ROBO1: variants seen among roughly 807,000 people sequenced by gnomAD.
ROBO1 encodes the protein roundabout guidance receptor 1, also known as roundabout homolog 1.
ROBO1 carries 149 observed loss-of-function variants against 195.9 expected under a neutral mutation model. The ratio of observed to expected loss-of-function variants is 0.76; its 90% CI spans 0.67 to 0.87. The LOEUF is 0.87. ROBO1 is among the 40% of genes least tolerant of loss of function. ROBO1 has a pLI of 0.00. For missense variants in ROBO1, 1,933 were observed against 2,068.3 expected (o/e 0.93, Z 1.27); for synonymous variants, 816 against 733.2 (o/e 1.11, Z -1.82).
rs536105961 is a variant in ROBO1 at position 79,415,453 on chromosome 3, T to G, written c.88+174371A>C. 8.5e-5 allele frequency among the ~76,000 whole-genome samples: 13 copies of G among 152,100 alleles called. No homozygotes were observed. The South Asian group carries it at 2.3e-3, about 27-fold the overall frequency. On this transcript the variant is annotated intron_variant, in intron 2 of 30. Transcript: ENST00000464233. Reference sequence around the variant, plus strand: ...GAAATGAAGAATAAATAAGTACATGTGGGGCAAAAACGAGACAAGCAGAAA... The same window carrying G: ...GAAATGAAGAATAAATAAGTACATGGGGGGCAAAAACGAGACAAGCAGAAA...
At chr3:79,373,548 C>T (rs1468230536) in intron 2 of ROBO1, among the ~76,000 whole-genome samples, 2 of 152,118 alleles carry the variant, frequency 1.3e-5, no homozygotes, top group Non-Finnish European at 2.9e-5. Context: ...CACAGAAAAA[C>T]TGAAATTCTA....
intron 3 of ROBO1, among the ~76,000 whole-genome samples, chr3:78,945,744 C>G (rs2040398816): frequency 6.6e-6 from 1 of 152,058 alleles, no homozygotes; most frequent in South Asian, 2.1e-4. Context: ...AAATTCAAAC[C>G]AATGGCAAAG....
At chr3:78,790,035 AG>A (rs767038343) in intron 4 of ROBO1, among the ~76,000 whole-genome samples, 12 of 152,284 alleles carry the variant, frequency 7.9e-5, no homozygotes, top group Non-Finnish European at 1.6e-4. Context: ...CCTCTATTGC[AG>A]CTTTGTCTTC....
chr3:79,167,343 T>C (rs1216402981), intron 2 of ROBO1, among the ~76,000 whole-genome samples: 1 of 152,154 alleles, frequency 6.6e-6, no homozygotes, highest in African/African-American at 2.4e-5. Context: ...ATTTCTTCCT[T>C]AGCAAGAGGA....
intron 3 of ROBO1, among the ~76,000 whole-genome samples, chr3:79,005,401 A>C (rs891772145): frequency 1.3e-5 from 2 of 152,226 alleles, no homozygotes; most frequent in African/African-American, 2.4e-5. Context: ...ATATTATTCC[A>C]GCAGGATGAA....
chr3:79,518,542 A>G (rs901132834), intron 2 of ROBO1, among the ~76,000 whole-genome samples: 4 of 152,212 alleles, frequency 2.6e-5, no homozygotes, highest in African/African-American at 9.6e-5. Flanking sequence ...GTGAAACAAC[A>G]GTAAGTTAGA....
intron 2 of ROBO1, among the ~76,000 whole-genome samples, chr3:79,459,849 CA>C (rs2039746390): frequency 1.3e-5 from 2 of 152,034 alleles, no homozygotes; most frequent in African/African-American, 2.4e-5. Flanking sequence ...ACCTGGCAGC[CA>C]GGCAAAGCAA....
At chr3:79,366,596 C>G (rs1276044670) in intron 2 of ROBO1, among the ~76,000 whole-genome samples, 2 of 152,120 alleles carry the variant, frequency 1.3e-5, no homozygotes, top group African/African-American at 2.4e-5. Flanking sequence ...TTTCTTGGCT[C>G]TCTTGGACGC....
At chr3:79,318,864 G>C (rs567356112) in intron 2 of ROBO1, among the ~76,000 whole-genome samples, 100 of 152,248 alleles carry the variant, frequency 6.6e-4, no homozygotes, top group Non-Finnish European at 1.2e-3. Context: ...CACACTATCT[G>C]TTTTTAAATT....
At chr3:78,724,185 C>T (rs1183293829) in intron 5 of ROBO1, among the ~76,000 whole-genome samples, 4 of 151,974 alleles carry the variant, frequency 2.6e-5, no homozygotes, top group African/African-American at 9.7e-5. Context: ...TCCATAAATT[C>T]AAATTAATTT....
At position 79,174,585 on chromosome 3, in the gene ROBO1, A is replaced by G. The variant is rs149968096; in HGVS notation, c.89-49046T>C. ...TTCATAGTCCGTAATTGTCAACTAT[A>G]ATAGTATAGACAAATAGGAACACGT... On this transcript the variant is annotated intron_variant, in intron 2 of 30. Coordinates refer to ENST00000464233, the MANE Select transcript of ROBO1 (RefSeq NM_002941.4). Among the ~76,000 whole-genome samples the G allele has an allele frequency of 6.6e-3, 1,007 of 152,244 alleles. 7 individuals are homozygous for G. The highest frequency in any genetic ancestry group is 0.02 in the Middle Eastern group (6 of 294).
At chr3:79,721,954 G>C (rs554056744) in intron 1 of ROBO1, among the ~76,000 whole-genome samples, 2 of 152,166 alleles carry the variant, frequency 1.3e-5, no homozygotes, top group African/African-American at 4.8e-5. Flanking sequence ...GCCAGTTAAC[G>C]AGAATGATTC....
chr3:79,391,090 G>T (rs1164633553), intron 2 of ROBO1, among the ~76,000 whole-genome samples: 3 of 148,272 alleles, frequency 2.0e-5, no homozygotes, highest in African/African-American at 7.5e-5. Context: ...TTGAGTCCCA[G>T]TCTGGGTAAT....
intron 2 of ROBO1, among the ~76,000 whole-genome samples, chr3:79,459,363 G>A (rs2039724863): frequency 6.6e-6 from 1 of 152,108 alleles, no homozygotes; most frequent in Admixed American, 6.5e-5. Context: ...TGTATTTTAA[G>A]TGTTAAGTGT....
rs372348196 is a variant in ROBO1, at chr3:79,364,000, C to G, written c.88+225824G>C. ...CGGGTGGATCACAAGGTCAGGAGAT[C>G]GAGAACATCCTGGCTAACATGGTGA... On this transcript the variant is annotated intron_variant, in intron 2 of 30. Transcript: ENST00000464233. Among the ~76,000 whole-genome samples, 392 of 151,918 alleles carry G rather than the reference C, an allele frequency of 2.6e-3. 1 individual carries two copies. The highest frequency in any genetic ancestry group is 8.4e-3 in the African/African-American group (346 of 41,406).
At chr3:79,441,467 A>T (rs755071303) in intron 2 of ROBO1, among the ~76,000 whole-genome samples, 1 of 152,144 alleles carries the variant, frequency 6.6e-6, no homozygotes, top group Non-Finnish European at 1.5e-5. Context: ...TAAGTAAATA[A>T]CTAAGTATTG....
chr3:79,732,210 A>G (rs1703180358), intron 1 of ROBO1, among the ~76,000 whole-genome samples: 1 of 151,918 alleles, frequency 6.6e-6, no homozygotes, highest in Non-Finnish European at 1.5e-5. Flanking sequence ...ATAGTGGTAT[A>G]ATCTTATGGG....
At chr3:79,142,894 C>A (rs2080557600) in intron 2 of ROBO1, among the ~76,000 whole-genome samples, 1 of 151,904 alleles carries the variant, frequency 6.6e-6, no homozygotes, top group Admixed American at 6.6e-5. Flanking sequence ...TTATAGAAAT[C>A]ATAAATAAAT....
intron 2 of ROBO1, among the ~76,000 whole-genome samples, chr3:79,189,942 A>G (rs1363250774): frequency 6.6e-6 from 1 of 151,706 alleles, no homozygotes; most frequent in Non-Finnish European, 1.5e-5. Flanking sequence ...TTTACAATTT[A>G]ATGATACTGA....
Sources: gnomAD v4.1 joint callset for allele counts (sites outside exome capture counted in the v4.1 genomes callset) on GRCh38, gnomAD v4.1.1 for gene constraint, MANE v1.5 for transcripts, NCBI Gene and HGNC (gene_info 2026-07-23, HGNC 2026-07-21) for gene names.